HIBADH: variants seen among roughly 807,000 people sequenced by gnomAD.
HIBADH encodes the protein 3-hydroxyisobutyrate dehydrogenase, mitochondrial.
In HIBADH, 25 loss-of-function variants were observed where a neutral mutation model predicts 36.1. That is an observed-to-expected ratio of 0.69 (90% CI 0.50 to 0.97). The LOEUF is 0.97. Ranked by LOEUF, HIBADH falls within the 50% of genes least tolerant of loss-of-function variation. The pLI is 0.00. For synonymous variants in HIBADH, 160 were observed against 149.5 expected (o/e 1.07, Z -0.51); for missense variants, 421 against 418.0 (o/e 1.01, Z -0.06).
At chr7:27,581,981 GATAAA>G (rs1327895755) in intron 4 of HIBADH, among the ~76,000 whole-genome samples, 2 of 152,040 alleles carry the variant, frequency 1.3e-5, no homozygotes, top group African/African-American at 4.8e-5. Flanking sequence ...TTTGAAAGAA[GATAAA>G]ATAAGAGATG....
intron 5 of HIBADH, among the ~76,000 whole-genome samples, chr7:27,542,744 G>A (rs925778458): frequency 5.3e-5 from 8 of 152,182 alleles, no homozygotes; most frequent in African/African-American, 1.4e-4. Flanking sequence ...GAGCCATCAC[G>A]TCTGGCCAAT....
intron 4 of HIBADH, among the ~76,000 whole-genome samples, chr7:27,565,189 C>A (rs1214961359): frequency 6.6e-6 from 1 of 152,146 alleles, no homozygotes; most frequent in African/African-American, 2.4e-5. Context: ...CACCCCAAAA[C>A]TGCTGAAATT....
At chr7:27,662,542 G>A (rs1786445261) in intron 1 of HIBADH, among the ~76,000 whole-genome samples, 156 bp downstream of exon 1, 2 of 152,186 alleles carry the variant, frequency 1.3e-5, no homozygotes, top group East Asian at 1.9e-4. Context: ...AGTGGCGGCC[G>A]CAGAAAAGGA....
At chr7:27,652,206 T>C (rs896471258) in intron 1 of HIBADH, among the ~76,000 whole-genome samples, 2 of 152,164 alleles carry the variant, frequency 1.3e-5, no homozygotes, top group Admixed American at 6.5e-5. Context: ...AAGATTCAAA[T>C]CCAGACATTC....
chr7:27,586,572 T>C (rs1212340788), intron 4 of HIBADH, among the ~76,000 whole-genome samples: 1 of 151,622 alleles, frequency 6.6e-6, no homozygotes, highest in African/African-American at 2.4e-5. Flanking sequence ...AGTGTTATAT[T>C]CTCTAATTAT....
intron 2 of HIBADH, among the ~76,000 whole-genome samples, chr7:27,645,380 T>TTTTGTTTGTTTTGTTTTTG (rs1562657281): frequency 7.8e-6 from 1 of 128,758 alleles, no homozygotes; most frequent in African/African-American, 3.1e-5. Flanking sequence ...TTTTTTTTTT[T>TTTTGTTTGTTTTGTTTTTG]TTTTTTTTTT....
intron 4 of HIBADH, among the ~76,000 whole-genome samples, chr7:27,594,209 T>C (rs1784991797): frequency 6.8e-6 from 1 of 147,500 alleles, no homozygotes; most frequent in African/African-American, 2.5e-5. Flanking sequence ...AGTGGCACAA[T>C]CTCAGCTCAC....
chr7:27,543,653 G>A (rs1784191668), intron 4 of HIBADH, among the ~76,000 whole-genome samples: 1 of 151,994 alleles, frequency 6.6e-6, no homozygotes, highest in Admixed American at 6.6e-5. Flanking sequence ...CTTTTTTTAA[G>A]GCAAGGAAAA....
chr7:27,580,126 A>C (rs1210127140), intron 4 of HIBADH, among the ~76,000 whole-genome samples: 1 of 152,192 alleles, frequency 6.6e-6, no homozygotes, highest in African/African-American at 2.4e-5. Flanking sequence ...CAAGGAAACA[A>C]ACATGTTTCC....
intron 4 of HIBADH, among the ~76,000 whole-genome samples, chr7:27,555,302 C>CTTTTCT (rs1784374919): frequency 7.8e-6 from 1 of 127,436 alleles, no homozygotes; most frequent in African/African-American, 3.0e-5. Flanking sequence ...TCTTGCTCTA[C>CTTTTCT]TTTTTTTTTT....
intron 1 of HIBADH, among the ~76,000 whole-genome samples, chr7:27,650,143 A>G (rs1786154211): frequency 6.6e-6 from 1 of 152,060 alleles, no homozygotes; most frequent in African/African-American, 2.4e-5. Context: ...GAAGTATTCC[A>G]TATTATCTCC....
chr7:27,633,104 T>C (rs990377354), intron 2 of HIBADH, among the ~76,000 whole-genome samples: 3 of 152,150 alleles, frequency 2.0e-5, no homozygotes, highest in Non-Finnish European at 4.4e-5. Context: ...AATAAAGATA[T>C]ATGAATAGGC....
At chr7:27,598,733 C>T (rs967558154) in intron 4 of HIBADH, among the ~76,000 whole-genome samples, 3 of 152,058 alleles carry the variant, frequency 2.0e-5, no homozygotes, top group Non-Finnish European at 4.4e-5. Context: ...ATATACCTAA[C>T]ACCACTGCAA....
intron 4 of HIBADH, among the ~76,000 whole-genome samples, chr7:27,627,132 C>T (rs1785662696): frequency 6.6e-6 from 1 of 152,196 alleles, no homozygotes; most frequent in Non-Finnish European, 1.5e-5. Flanking sequence ...GGTCATGCGG[C>T]ATGCTGACCA....
At chr7:27,633,571 A>G (rs1785786155) in intron 2 of HIBADH, among the ~76,000 whole-genome samples, 1 of 152,154 alleles carries the variant, frequency 6.6e-6, no homozygotes, top group Non-Finnish European at 1.5e-5. Context: ...AGATGGGAGG[A>G]TAACTTAAGT....
Position 27,543,058 on chromosome 7 carries a change from C to T in HIBADH, c.527G>A (p.Gly176Glu). 1 of 1,613,742 alleles carries T rather than the reference C, an allele frequency of 6.2e-7. No individual in the cohort carries two copies. The highest frequency in any genetic ancestry group is 8.5e-7 in the Non-Finnish European group (1 of 1,179,814). ...ARSGNLTFMV[G>E]GVEDEFAAAQ... ...AGCAGCAAATTCATCTTCAACTCCT[C>T]CCACCATAAACGTGAGGTTCCCAGA... Residue 176 changes from glycine (G) to glutamate (E), a missense_variant, in exon 5 of 8, where the codon GGA becomes GAA. Gly to Glu is a moderately conservative substitution (Grantham distance 98). Coordinates refer to ENST00000265395, the MANE Select transcript of HIBADH (RefSeq NM_152740.4).
intron 4 of HIBADH, among the ~76,000 whole-genome samples, chr7:27,546,185 C>T (rs1784233445): frequency 6.6e-6 from 1 of 152,144 alleles, no homozygotes; most frequent in South Asian, 2.1e-4. Context: ...TCACTGCAGC[C>T]TCAACTTCCC....
In HIBADH at chr7:27,545,267, C is replaced by T. The variant is rs138456588; in HGVS notation, c.485-2167G>A. On this transcript the variant is annotated intron_variant, in intron 4 of 7. Transcript: ENST00000265395. ...ACCAGCCTGGGCAACACGGCGAAAC[C>T]GTCTTTACAAAAAATACAAAAATTA... is the stretch of plus-strand genomic sequence containing the variant. Among the ~76,000 whole-genome samples the T allele has an allele frequency of 3.4e-3, 518 of 152,028 alleles. 6 individuals carry two copies. Among genetic ancestry groups the T allele is most frequent in the African/African-American group, 0.011 (464 of 41,490 alleles).
intron 4 of HIBADH, among the ~76,000 whole-genome samples, chr7:27,559,333 G>C (rs763954255): frequency 1.6e-4 from 25 of 152,092 alleles, no homozygotes; most frequent in Non-Finnish European, 3.1e-4. Context: ...GCTTAAAACT[G>C]TATTTAGGCT....
Sources: gnomAD v4.1 joint callset for allele counts (sites outside exome capture counted in the v4.1 genomes callset) on GRCh38, gnomAD v4.1.1 for gene constraint, MANE v1.5 for transcripts, NCBI Gene and HGNC (gene_info 2026-07-23, HGNC 2026-07-21) for gene names.